The following RFTN1 variants were observed in gnomAD, a reference collection of about 807,000 sequenced individuals.
RFTN1 encodes the protein raftlin.
Under a neutral mutation model 46.5 loss-of-function variants are expected in RFTN1, and 26 were observed. The observed-to-expected ratio is 0.56, with a 90% CI of 0.41 to 0.78. RFTN1 has a LOEUF of 0.78. Among genes scored for constraint, RFTN1 ranks in the 30% least tolerant of loss-of-function variants. The pLI is 0.00. For synonymous variants in RFTN1, 261 were observed against 284.2 expected (o/e 0.92, Z 0.82); for missense variants, 693 against 718.7 (o/e 0.96, Z 0.41).
rs1022106697 is a variant in RFTN1 at position 16,382,770 on chromosome 3, T to C, written c.442-4668A>G. On this transcript the variant is annotated intron_variant, in intron 4 of 9. Coordinates refer to ENST00000334133, the MANE Select transcript of RFTN1 (RefSeq NM_015150.2). This position sits in a 1 kb window ranked among gnomAD's most constrained non-coding sequence, Gnocchi z 4.7. ...ATCCCCCAGTGTTTCTGGAATTACTTCCTCCTTCTCCATAAAGTGACCATC... is the reference window on the plus strand; with the variant it reads ...ATCCCCCAGTGTTTCTGGAATTACTCCCTCCTTCTCCATAAAGTGACCATC... 6.6e-6 allele frequency among the ~76,000 whole-genome samples: 1 copy of C among 152,102 alleles called. No individual in the cohort carries two copies. The highest frequency in any genetic ancestry group is 1.5e-5 in the Non-Finnish European group (1 of 68,014).
Position 16,353,019 on chromosome 3 carries a change from C to T in RFTN1, c.1146+4913G>A, listed in dbSNP as rs914935061. Among the ~76,000 whole-genome samples, 11 of 152,094 alleles carry T rather than the reference C, an allele frequency of 7.2e-5. No homozygotes were observed. The East Asian group carries it at 7.7e-4, about 11-fold the overall frequency. ...GTGGAATTGGAATGGCACATCTACA[C>T]AGAGCTGAGGGATCAGCACAGGAGG... is the stretch of plus-strand genomic sequence containing the variant. On this transcript the variant is annotated intron_variant, in intron 7 of 9. Coordinates refer to ENST00000334133, the MANE Select transcript of RFTN1 (RefSeq NM_015150.2). This position sits in a 1 kb window ranked among gnomAD's most constrained non-coding sequence, Gnocchi z 5.4.
rs1366747741 is a variant in RFTN1, at chr3:16,410,584, A to C, written c.333-1101T>G. On this transcript the variant is annotated intron_variant, in intron 3 of 9. Coordinates refer to ENST00000334133, the MANE Select transcript of RFTN1 (RefSeq NM_015150.2). The surrounding 1 kb of genome is among the most constrained non-coding windows in gnomAD (Gnocchi z 4.6). ...GAGGGCAATCTGGCAAAATCTATGGAAATTAAAGATGCATTAAAGAAAGAC... is the reference window on the plus strand; with the variant it reads ...GAGGGCAATCTGGCAAAATCTATGGCAATTAAAGATGCATTAAAGAAAGAC... Among the ~76,000 whole-genome samples, 1 of 152,208 alleles carries C rather than the reference A, an allele frequency of 6.6e-6. No individual in the cohort carries two copies. The highest frequency in any genetic ancestry group is 1.5e-5 in the Non-Finnish European group (1 of 68,040).
chr3:16,370,375 T>C lies in RFTN1; in HGVS notation c.827-96A>G. On this transcript the variant is annotated intron_variant, in intron 5 of 9. Transcript: ENST00000334133. The surrounding 1 kb of genome is among the most constrained non-coding windows in gnomAD (Gnocchi z 5.5). ...AAGTGGAATCTCTCAGGAGCCTGAA[T>C]AAATGATATGATGAATGCTGAAATC... The C allele has an allele frequency of 1.8e-6, 2 of 1,098,596 alleles. No individual in the cohort carries two copies. Among genetic ancestry groups the C allele is most frequent in the South Asian group, 2.6e-5 (2 of 76,334 alleles). 68.1% of individuals were successfully genotyped at this position (1,098,596 alleles called of 1,614,324 possible). A position where few individuals can be genotyped will look rare whatever the true frequency, so the allele number is the denominator to read the frequency against.
rs979036452 is a variant in RFTN1, at chr3:16,429,244, A to C, written c.332+4607T>G. ...TTCAGGGATGTAAGTGAAATCTGTCAAAATGGCAGTGAGCTCAGAGGAATG... is the reference window on the plus strand; with the variant it reads ...TTCAGGGATGTAAGTGAAATCTGTCCAAATGGCAGTGAGCTCAGAGGAATG... On this transcript the variant is annotated intron_variant, in intron 3 of 9. Coordinates refer to ENST00000334133, the MANE Select transcript of RFTN1 (RefSeq NM_015150.2). This position sits in a 1 kb window ranked among gnomAD's most constrained non-coding sequence, Gnocchi z 6.4. 6.6e-6 allele frequency among the ~76,000 whole-genome samples: 1 copy of C among 152,226 alleles called. No homozygotes were observed. Among genetic ancestry groups the C allele is most frequent in the African/African-American group, 2.4e-5 (1 of 41,454 alleles).
Position 16,435,541 on chromosome 3 carries a change from G to A in RFTN1, c.146-1504C>T, listed in dbSNP as rs571493778. 2.0e-5 allele frequency among the ~76,000 whole-genome samples: 3 copies of A among 152,312 alleles called. No homozygotes were observed. In the South Asian group the frequency reaches 6.2e-4, roughly 32 times the overall value. ...GCCGAGATTGCGCCACTGCACTCCA[G>A]CCTGGGCAACAAGAGCTAAACTCCG... On this transcript the variant is annotated intron_variant, in intron 2 of 9. Coordinates refer to ENST00000334133, the MANE Select transcript of RFTN1 (RefSeq NM_015150.2).
intron 6 of RFTN1, 118 bp from the exon 7 acceptor site, chr3:16,358,165 T>C: frequency 4.6e-6 from 3 of 649,956 alleles, no homozygotes; most frequent in Non-Finnish European, 8.3e-6. Context: ...GAACATCTTT[T>C]CAGCATGTTA....
At chr3:16,486,124 A>T (rs1435421328) in intron 2 of RFTN1, among the ~76,000 whole-genome samples, 1 of 152,064 alleles carries the variant, frequency 6.6e-6, no homozygotes, top group Admixed American at 6.5e-5. Flanking sequence ...TTCACCTGCC[A>T]GGCAGTCCCT....
chr3:16,452,799 T>C lies in RFTN1; in HGVS notation c.146-18762A>G, dbSNP rs2075841789. Among the ~76,000 whole-genome samples, 1 of 152,208 alleles carries C rather than the reference T, an allele frequency of 6.6e-6. No homozygotes were observed. On this transcript the variant is annotated intron_variant, in intron 2 of 9. Coordinates refer to ENST00000334133, the MANE Select transcript of RFTN1 (RefSeq NM_015150.2). This position sits in a 1 kb window ranked among gnomAD's most constrained non-coding sequence, Gnocchi z 6.3. The stretch of plus-strand genomic sequence containing the variant: ...AAGTCAGGCCGAAGACAGTCAACTG[T>C]TATGTGACAATATCACAAGCCGTTC...
chr3:16,395,091 ATAATT>A (rs1321597737), intron 4 of RFTN1, among the ~76,000 whole-genome samples: 1 of 152,272 alleles, frequency 6.6e-6, no homozygotes, highest in African/African-American at 2.4e-5. Flanking sequence ...TACAATTTAT[ATAATT>A]TAAAATATGC....
rs1362059735 is a variant in RFTN1 at position 16,473,395 on chromosome 3, C to A, written c.145+20330G>T. 1.3e-5 allele frequency among the ~76,000 whole-genome samples: 2 copies of A among 149,130 alleles called. No individual in the cohort carries two copies. Among genetic ancestry groups the A allele is most frequent in the African/African-American group, 5.1e-5 (2 of 39,500 alleles). On this transcript the variant is annotated intron_variant, in intron 2 of 9. Coordinates refer to ENST00000334133, the MANE Select transcript of RFTN1 (RefSeq NM_015150.2). The surrounding 1 kb of genome is among the most constrained non-coding windows in gnomAD (Gnocchi z 5.3). ...TCCACAAAAATACTCTGTTTTCTTTCTTTTTTCTTTTTTTTTTTTTCCTGA... is the reference window on the plus strand; with the variant it reads ...TCCACAAAAATACTCTGTTTTCTTTATTTTTTCTTTTTTTTTTTTTCCTGA...
intron 3 of RFTN1, among the ~76,000 whole-genome samples, chr3:16,420,664 C>T (rs921789833): frequency 3.3e-5 from 5 of 152,218 alleles, no homozygotes; most frequent in South Asian, 4.1e-4. Context: ...ATAGCCACTA[C>T]GGTTTTGCTA....
intron 1 of RFTN1, among the ~76,000 whole-genome samples, chr3:16,503,423 G>C (rs562010844): frequency 2.0e-4 from 30 of 152,302 alleles, no homozygotes; most frequent in African/African-American, 7.2e-4. Context: ...ACCATCTGGA[G>C]AGCTGTTAAA....
chr3:16,340,792 G>A (rs758836515), intron 7 of RFTN1, among the ~76,000 whole-genome samples: 13 of 152,186 alleles, frequency 8.5e-5, no homozygotes, highest in South Asian at 4.1e-4. Context: ...TCAAGGTGAA[G>A]TCAAAGGTGA....
Position 16,377,630 on chromosome 3 carries a change from C to T in RFTN1, c.826+88G>A, listed in dbSNP as rs1359216454. ...CTGTCTCTACACTCTAAATTCCATT[C>T]CTTTTTCTCTGAGATACCATGGGGA... On this transcript the variant is annotated intron_variant, in intron 5 of 9. Transcript: ENST00000334133. The T allele has an allele frequency of 4.0e-6, 6 of 1,506,776 alleles. No individual in the cohort carries two copies. In the Admixed American group the frequency reaches 1.1e-4, roughly 28 times the overall value. The allele number at this position is 1,506,776 out of a possible 1,614,324, so 93.3% of individuals were successfully genotyped here. A position where few individuals can be genotyped will look rare whatever the true frequency, so the allele number is the denominator to read the frequency against.
rs762666384 is a variant in RFTN1 at position 16,447,087 on chromosome 3, C to T, written c.146-13050G>A. 3.9e-5 allele frequency among the ~76,000 whole-genome samples: 6 copies of T among 152,204 alleles called. No homozygotes were observed. The highest frequency in any genetic ancestry group is 6.5e-5 in the Admixed American group (1 of 15,272). On this transcript the variant is annotated intron_variant, in intron 2 of 9. Transcript: ENST00000334133. The surrounding 1 kb of genome is among the most constrained non-coding windows in gnomAD (Gnocchi z 5.9). ...TTCAAAGGCACCACCCCAAGACACA[C>T]CAGCAAATTCCTATCAGTGGATTCT...
rs930280781 is a variant in RFTN1, at chr3:16,418,830, A to G, written c.333-9347T>C. 2.0e-5 allele frequency among the ~76,000 whole-genome samples: 3 copies of G among 152,344 alleles called. No homozygotes were observed. Among genetic ancestry groups the G allele is most frequent in the Non-Finnish European group, 4.4e-5 (3 of 68,034 alleles). On this transcript the variant is annotated intron_variant, in intron 3 of 9. Coordinates refer to ENST00000334133, the MANE Select transcript of RFTN1 (RefSeq NM_015150.2). The surrounding 1 kb of genome is among the most constrained non-coding windows in gnomAD (Gnocchi z 5.0). ...TCTCCACTTATTCATTTGTCTATCC[A>G]TCACCTGCTTGACTGCTGACCACAT...
intron 2 of RFTN1, among the ~76,000 whole-genome samples, chr3:16,441,215 G>A (rs1315202307): frequency 6.8e-6 from 1 of 147,048 alleles, no homozygotes; most frequent in East Asian, 2.0e-4. Flanking sequence ...TGGCATGAGA[G>A]TCCAAACGTC....
intron 7 of RFTN1, among the ~76,000 whole-genome samples, chr3:16,332,299 T>C (rs1053501255): frequency 5.3e-5 from 8 of 152,076 alleles, no homozygotes; most frequent in Non-Finnish European, 1.0e-4. Flanking sequence ...TTTCTTACTC[T>C]TTTAATTTTG....
chr3:16,445,479 T>TCACA (rs1319902709), intron 2 of RFTN1, among the ~76,000 whole-genome samples: 1 of 79,882 alleles, frequency 1.3e-5, no homozygotes, highest in East Asian at 4.0e-4. Context: ...TCTCTCTCTC[T>TCACA]CTCTCACACA....
Sources: gnomAD v4.1 joint callset for allele counts (sites outside exome capture counted in the v4.1 genomes callset) on GRCh38, gnomAD v4.1.1 for gene constraint, Gnocchi (gnomAD v3.1) non-coding constraint, MANE v1.5 for transcripts, NCBI Gene and HGNC (gene_info 2026-07-23, HGNC 2026-07-21) for gene names.